The following UMAD1 variants were observed in gnomAD, a reference collection of about 807,000 sequenced individuals.
UMAD1 encodes the protein UBAP1-MVB12-associated (UMA)-domain containing protein 1.
A neutral mutation model predicts 6.1 loss-of-function variants in UMAD1; 8 were observed. That is an observed-to-expected ratio of 1.30 (90% CI 0.76 to 2.35). The LOEUF (loss-of-function observed/expected upper bound fraction) is 2.35, where lower values mean the gene tolerates loss of function less well. Ranked by LOEUF, UMAD1 falls within the 30% of genes most tolerant of loss-of-function variation. The probability of loss-of-function intolerance (pLI) is 0.00; values close to 1 mark genes in which losing one functional copy is unlikely to be tolerated. For synonymous variants in UMAD1, 56 were observed against 31.4 expected, an observed-to-expected ratio of 1.78 and a Z score of -2.61; for missense variants, 130 against 78.4, an observed-to-expected ratio of 1.66 and a Z score of -2.49.
chr7:7,788,717 G>T (rs79778562), intron 2 of UMAD1, among the ~76,000 whole-genome samples: 1 of 151,018 alleles, frequency 6.6e-6, no homozygotes, highest in Non-Finnish European at 1.5e-5. Flanking sequence ...TGGGGAGTTG[G>T]TGGGGGTGGG....
At chr7:7,834,890 T>C (rs147267182) in intron 3 of UMAD1, among the ~76,000 whole-genome samples, 110 of 152,142 alleles carry the variant, frequency 7.2e-4, no homozygotes, top group African/African-American at 2.5e-3. Flanking sequence ...ACACTTACAA[T>C]CAGGGCAGAA....
Position 7,877,284 on chromosome 7 carries a change from A to G in UMAD1, c.160A>G (p.Asn54Asp). The change falls in exon 4 of 4, where the codon AAC (asparagine) becomes GAC (aspartate). Residue 54 changes from asparagine to aspartate, a missense_variant. Transcript: ENST00000682710. ...DIEANQPLET[N>D]KENSSSVTVS... is the part of the protein sequence containing the mutation. Reference sequence around the variant, plus strand: ...TTTTAAATGTATGTATTTTTAGACCAACAAAGAAAATTCATCCAGTGTGAC... The same window carrying G: ...TTTTAAATGTATGTATTTTTAGACCGACAAAGAAAATTCATCCAGTGTGAC... 1 of 712,048 alleles carries G rather than the reference A, an allele frequency of 1.4e-6. No individual in the cohort carries two copies. Among genetic ancestry groups the G allele is most frequent in the Admixed American group, 2.0e-5 (1 of 49,914 alleles). 44.1% of individuals were successfully genotyped at this position (712,048 alleles called of 1,614,324 possible). A position where few individuals can be genotyped will look rare whatever the true frequency, so the allele number is the denominator to read the frequency against.
intron 2 of UMAD1, among the ~76,000 whole-genome samples, chr7:7,685,417 C>G (rs1037816543): frequency 6.6e-6 from 1 of 151,282 alleles, no homozygotes; most frequent in Non-Finnish European, 1.5e-5. Flanking sequence ...TCAAGCGATT[C>G]TCCTGCCTCA....
At chr7:7,680,304 C>T (rs1005444078) in intron 2 of UMAD1, among the ~76,000 whole-genome samples, 7 of 152,114 alleles carry the variant, frequency 4.6e-5, no homozygotes, top group Non-Finnish European at 8.8e-5. Flanking sequence ...ACTTCCTTTT[C>T]CCAATGTATA....
intron 3 of UMAD1, among the ~76,000 whole-genome samples, chr7:7,870,637 C>G (rs1258169148): frequency 6.6e-6 from 1 of 152,190 alleles, no homozygotes; most frequent in Non-Finnish European, 1.5e-5. Flanking sequence ...GGCTGCCAGA[C>G]TTAGTGATCA....
chr7:7,821,674 A>G (rs987088896), intron 3 of UMAD1, among the ~76,000 whole-genome samples: 108 of 152,324 alleles, frequency 7.1e-4, no homozygotes, highest in African/African-American at 2.5e-3. Context: ...TGAAATTGCC[A>G]GTCCTGATTC....
intron 2 of UMAD1, among the ~76,000 whole-genome samples, chr7:7,686,453 AAAAATGTAGATAATTTTT>A (rs1780043434): frequency 6.6e-6 from 1 of 152,148 alleles, no homozygotes; most frequent in Admixed American, 6.5e-5. Context: ...ACAATTTTTT[AAAAATGTAGATAATTTTT>A]ATAGTTTCAG....
chr7:7,872,381 G>C (rs1221058742), intron 3 of UMAD1, among the ~76,000 whole-genome samples: 2 of 152,230 alleles, frequency 1.3e-5, no homozygotes, highest in Non-Finnish European at 2.9e-5. Flanking sequence ...AGGAGAGGCA[G>C]ATAGGGGAAT....
Position 7,854,510 on chromosome 7 carries a change from C to T in UMAD1, c.157-22771C>T, listed in dbSNP as rs575912144. 3.9e-5 allele frequency among the ~76,000 whole-genome samples: 6 copies of T among 152,070 alleles called. No individual in the cohort carries two copies. The South Asian group carries it at 6.2e-4, about 16-fold the overall frequency. On this transcript the variant is annotated intron_variant, in intron 3 of 3. Coordinates refer to ENST00000682710, the MANE Select transcript of UMAD1 (RefSeq NM_001302348.2). ...GAGTACCAGCAAGGGAAATGCCGGACGCATATAAAACCATCAGATCTTGTG... is the reference window on the plus strand; with the variant it reads ...GAGTACCAGCAAGGGAAATGCCGGATGCATATAAAACCATCAGATCTTGTG...
chr7:7,792,984 A>T (rs1332471380), intron 2 of UMAD1, among the ~76,000 whole-genome samples: 5 of 152,172 alleles, frequency 3.3e-5, no homozygotes, highest in Non-Finnish European at 7.3e-5. Context: ...TCCACCTCTT[A>T]CTACCAACAC....
At chr7:7,722,157 CTATA>C (rs1001676838) in intron 2 of UMAD1, among the ~76,000 whole-genome samples, 1,240 of 122,742 alleles carry the variant, frequency 0.01, 10 homozygotes, top group African/African-American at 0.031. Context: ...CTCTCTCTCT[CTATA>C]TATATATATG....
At chr7:7,803,453 A>G (rs1382274737) in intron 3 of UMAD1, among the ~76,000 whole-genome samples, 2 of 152,238 alleles carry the variant, frequency 1.3e-5, no homozygotes, top group Non-Finnish European at 2.9e-5. Flanking sequence ...AGTGCTGGCC[A>G]TAAGTAGCAT....
intron 3 of UMAD1, among the ~76,000 whole-genome samples, chr7:7,808,687 C>G (rs1013829092): frequency 1.3e-5 from 2 of 151,712 alleles, no homozygotes; most frequent in East Asian, 3.8e-4. Context: ...TATTTTTGAT[C>G]TCAAAGACTG....
At chr7:7,683,339 C>A (rs1036161065) in intron 2 of UMAD1, among the ~76,000 whole-genome samples, 2 of 152,006 alleles carry the variant, frequency 1.3e-5, no homozygotes, top group Non-Finnish European at 2.9e-5. Flanking sequence ...TTGATTTTTT[C>A]CCCCCAGAGT....
chr7:7,867,950 G>C (rs561389817), intron 3 of UMAD1, among the ~76,000 whole-genome samples: 1 of 152,058 alleles, frequency 6.6e-6, no homozygotes, highest in African/African-American at 2.4e-5. Context: ...ACATTTGTTG[G>C]GGGGTAGAGC....
chr7:7,667,121 C>A (rs1487601376), intron 1 of UMAD1, among the ~76,000 whole-genome samples: 3 of 152,162 alleles, frequency 2.0e-5, no homozygotes, highest in Admixed American at 6.5e-5. Context: ...CAGGTGAATT[C>A]TTTATCCCCC....
intron 3 of UMAD1, among the ~76,000 whole-genome samples, chr7:7,855,112 G>A (rs1290581389): frequency 6.6e-6 from 1 of 152,244 alleles, no homozygotes; most frequent in East Asian, 1.9e-4. Context: ...GCTTTGCAGG[G>A]TACAGCCCCT....
chr7:7,747,261 T>A (rs1308226507), intron 2 of UMAD1, among the ~76,000 whole-genome samples: 2 of 152,190 alleles, frequency 1.3e-5, no homozygotes, highest in African/African-American at 2.4e-5. Flanking sequence ...CCACTACAGT[T>A]AAGTATATTT....
rs141408627 is a variant in UMAD1, at chr7:7,655,712, C to T, written c.-64+14891C>T. Among the ~76,000 whole-genome samples the T allele has an allele frequency of 5.3e-5, 8 of 152,008 alleles. No homozygotes were observed. The East Asian group carries it at 5.8e-4, about 11-fold the overall frequency. ...ATGATGTGACATTACATTTAGGGGACGAATGAAAAGATTAGGAGTGTTAAA... is the reference window on the plus strand; with the variant it reads ...ATGATGTGACATTACATTTAGGGGATGAATGAAAAGATTAGGAGTGTTAAA... On this transcript the variant is annotated intron_variant, in intron 1 of 3. Coordinates refer to ENST00000682710, the MANE Select transcript of UMAD1 (RefSeq NM_001302348.2).
Sources: gnomAD v4.1 joint callset for allele counts (sites outside exome capture counted in the v4.1 genomes callset) on GRCh38, gnomAD v4.1.1 for gene constraint, MANE v1.5 for transcripts, NCBI Gene and HGNC (gene_info 2026-07-23, HGNC 2026-07-21) for gene names.